ANAPC10: variants seen among roughly 807,000 people sequenced by gnomAD.
ANAPC10 encodes the protein anaphase promoting complex subunit 10.
In ANAPC10, 12 loss-of-function variants were observed where a neutral mutation model predicts 22.0. That is an observed-to-expected ratio of 0.55 (90% confidence interval 0.35 to 0.88). The LOEUF (loss-of-function observed/expected upper bound fraction) is 0.88, where lower values mean the gene tolerates loss of function less well. ANAPC10 is among the 40% of genes least tolerant of loss of function. The pLI, the probability that ANAPC10 is intolerant of heterozygous loss-of-function variation, is 0.01. For missense variants in ANAPC10, 188 were observed against 220.9 expected, an observed-to-expected ratio of 0.85 and a Z score of 0.94; for synonymous variants, 65 against 69.5, an observed-to-expected ratio of 0.94 and a Z score of 0.32.
Position 145,097,611 on chromosome 4 carries a change from G to C in ANAPC10, c.-13+509C>G, listed in dbSNP as rs1748776869. 9 of 1,003,272 alleles carry C rather than the reference G, an allele frequency of 9.0e-6. No homozygotes were observed. The South Asian group carries it at 9.3e-5, about 10-fold the overall frequency. 62.1% of individuals were successfully genotyped at this position (1,003,272 alleles called of 1,614,324 possible). On this transcript the variant is annotated intron_variant, in intron 1 of 4. Transcript: ENST00000507656. Reference sequence around the variant, plus strand: ...ACTGTAAACTTTGGCAAGGCCTGAGGCTTAAACGCTCAATAAGTAATTTAC... The same window carrying C: ...ACTGTAAACTTTGGCAAGGCCTGAGCCTTAAACGCTCAATAAGTAATTTAC...
intron 4 of ANAPC10, among the ~76,000 whole-genome samples, chr4:144,999,925 T>A (rs932600443): frequency 6.6e-6 from 1 of 152,086 alleles, no homozygotes; most frequent in African/African-American, 2.4e-5. Flanking sequence ...TCATCTTTGA[T>A]TAACCTGACA....
chr4:145,027,587 T>A (rs562584426), intron 4 of ANAPC10, among the ~76,000 whole-genome samples: 2 of 152,152 alleles, frequency 1.3e-5, no homozygotes, highest in East Asian at 3.9e-4. Context: ...TTTCAGAATA[T>A]CAAGGATAAG....
intron 4 of ANAPC10, among the ~76,000 whole-genome samples, chr4:145,014,032 A>G (rs1734740846): frequency 6.6e-6 from 1 of 152,122 alleles, no homozygotes. Flanking sequence ...GGGAGAAGGA[A>G]GTCTCCAGCT....
At chr4:145,058,353 C>A (rs1742371044) in intron 4 of ANAPC10, among the ~76,000 whole-genome samples, 1 of 152,156 alleles carries the variant, frequency 6.6e-6, no homozygotes, top group African/African-American at 2.4e-5. Context: ...TTATCCTAAA[C>A]AGTCAGTTGA....
chr4:145,064,778 A>C, intron 3 of ANAPC10, 86 bp from the exon 4 acceptor site: 1 of 1,205,788 alleles, frequency 8.3e-7, no homozygotes, highest in Non-Finnish European at 1.1e-6. Flanking sequence ...TAAAAATCAT[A>C]GTTTGCTAAA....
intron 4 of ANAPC10, among the ~76,000 whole-genome samples, chr4:145,029,755 C>T (rs1737271012): frequency 6.6e-6 from 1 of 152,180 alleles, no homozygotes; most frequent in South Asian, 2.1e-4. Context: ...GGAAGGGATC[C>T]AAAAGCTTAG....
chr4:145,008,515 T>A (rs867791748), intron 4 of ANAPC10, among the ~76,000 whole-genome samples: 27 of 152,344 alleles, frequency 1.8e-4, no homozygotes, highest in Middle Eastern at 3.4e-3. Flanking sequence ...AATCTTGGGA[T>A]GCAAGGCTGG....
intron 4 of ANAPC10, among the ~76,000 whole-genome samples, chr4:145,044,413 C>T (rs1028290063): frequency 6.6e-6 from 1 of 152,042 alleles, no homozygotes; most frequent in African/African-American, 2.4e-5. Context: ...TTCTCTCTAA[C>T]GTTTTGTCTG....
chr4:145,040,599 T>A (rs1739368976), intron 4 of ANAPC10, among the ~76,000 whole-genome samples: 1 of 152,210 alleles, frequency 6.6e-6, no homozygotes, highest in Non-Finnish European at 1.5e-5. Context: ...ATAGTTAATT[T>A]ATAGGTAACT....
intron 4 of ANAPC10, among the ~76,000 whole-genome samples, chr4:145,034,512 C>A (rs1392281521): frequency 9.6e-6 from 1 of 104,290 alleles, no homozygotes; most frequent in Non-Finnish European, 1.8e-5. Flanking sequence ...TAACACTTAA[C>A]AAACTCTCCT....
At chr4:145,043,187 A>G (rs1446050013) in intron 4 of ANAPC10, among the ~76,000 whole-genome samples, 4 of 151,910 alleles carry the variant, frequency 2.6e-5, no homozygotes, top group Non-Finnish European at 5.9e-5. Context: ...TGTTAATACA[A>G]AAAAAAGAGG....
At chr4:145,029,497 A>G (rs1033921775) in intron 4 of ANAPC10, among the ~76,000 whole-genome samples, 36 of 152,312 alleles carry the variant, frequency 2.4e-4, no homozygotes, top group Non-Finnish European at 4.4e-4. Flanking sequence ...ATATAAACAG[A>G]AATCTAGAGA....
Position 145,096,095 on chromosome 4 carries a change from G to C in ANAPC10, c.5C>G (p.Thr2Ser), listed in dbSNP as rs1194245621. MTTPNKTPPGAD... is the reference protein window; with the variant it reads MSTPNKTPPGAD... The stretch of plus-strand genomic sequence containing the variant: ...ACCAGGAGGTGTCTTGTTTGGTGTA[G>C]TCATTTTTAAAATATTCTATGTAGA... The change falls in exon 2 of 5, where the codon ACT becomes AGT. Residue 2 changes from threonine (T) to serine (S), a missense_variant. Transcript: ENST00000507656. 1 of 1,613,750 alleles carries C rather than the reference G, an allele frequency of 6.2e-7. No homozygotes were observed. The highest frequency in any genetic ancestry group is 8.5e-7 in the Non-Finnish European group (1 of 1,179,900).
intron 4 of ANAPC10, among the ~76,000 whole-genome samples, chr4:144,996,783 C>G (rs973824949): frequency 6.6e-6 from 1 of 152,120 alleles, no homozygotes; most frequent in Non-Finnish European, 1.5e-5. Flanking sequence ...AAATAACAAA[C>G]TTCTCCGAGC....
At chr4:145,096,595 C>T (rs574581475) in intron 1 of ANAPC10, among the ~76,000 whole-genome samples, 1 of 152,294 alleles carries the variant, frequency 6.6e-6, no homozygotes, top group South Asian at 2.1e-4. Flanking sequence ...TTTACTTCTA[C>T]AATGCTATGC....
chr4:145,062,459 T>C (rs1284885979), intron 4 of ANAPC10, among the ~76,000 whole-genome samples: 2 of 151,166 alleles, frequency 1.3e-5, no homozygotes, highest in Non-Finnish European at 3.0e-5. Flanking sequence ...TAGAAAAAAT[T>C]AGCTGGGCAT....
intron 2 of ANAPC10, among the ~76,000 whole-genome samples, chr4:145,082,505 C>T (rs1180402861): frequency 6.6e-6 from 1 of 152,128 alleles, no homozygotes; most frequent in East Asian, 1.9e-4. Context: ...TTTTTGCAAG[C>T]TGATAGTAAA....
At chr4:145,041,646 T>C (rs1417253142) in intron 4 of ANAPC10, among the ~76,000 whole-genome samples, 1 of 152,210 alleles carries the variant, frequency 6.6e-6, no homozygotes, top group African/African-American at 2.4e-5. Context: ...GACAATCTCT[T>C]CCATATTCTG....
chr4:145,070,778 G>C (rs1403357674), intron 3 of ANAPC10, among the ~76,000 whole-genome samples: 1 of 152,130 alleles, frequency 6.6e-6, no homozygotes, highest in African/African-American at 2.4e-5. Context: ...ACAAAATGTG[G>C]CACAGTCATA....
Sources: allele counts gnomAD v4.1 joint callset (sites outside exome capture counted in the v4.1 genomes callset), GRCh38; gene constraint gnomAD v4.1.1; transcripts MANE v1.5; gene names NCBI Gene and HGNC (gene_info 2026-07-23, HGNC 2026-07-21).